Variants in AUTS2 observed in about 807,000 individuals in gnomAD.
AUTS2 encodes the protein autism susceptibility gene 2 protein.
A neutral mutation model predicts 112.4 loss-of-function variants in AUTS2; 17 were observed. The ratio of observed to expected loss-of-function variants is 0.15; its 90% CI spans 0.10 to 0.23. The LOEUF is 0.23. AUTS2 is among the 10% of genes least tolerant of loss of function. The pLI, the probability that AUTS2 is intolerant of heterozygous loss-of-function variation, is 1.00. For missense variants in AUTS2, 1,510 were observed against 1,701.6 expected, an observed-to-expected ratio of 0.89 and a Z score of 1.98; for synonymous variants, 751 against 702.7, an observed-to-expected ratio of 1.07 and a Z score of -1.09.
intron 1 of AUTS2, among the ~76,000 whole-genome samples, chr7:69,625,498 C>CGGGGCA: frequency 1.3e-5 from 2 of 151,708 alleles, no homozygotes; most frequent in East Asian, 1.9e-4. Flanking sequence ...TCTTTTTTGG[C>CGGGGCA]GGGGCAGGGG....
rs187867989 is a variant in AUTS2, at chr7:69,686,364, A to C, written c.309+86402A>C. On this transcript the variant is annotated intron_variant, in intron 1 of 18. Transcript: ENST00000342771. The stretch of plus-strand genomic sequence containing the variant: ...AGTAACACATCTCCTTGTGTCTAAA[A>C]ATAGGAATAAATCCTAATATGAACC... Among the ~76,000 whole-genome samples, 6 of 152,332 alleles carry C rather than the reference A, an allele frequency of 3.9e-5. No individual in the cohort carries two copies. In the East Asian group the frequency reaches 1.2e-3, roughly 29 times the overall value.
chr7:70,064,164 G>A (rs995364077), intron 2 of AUTS2, among the ~76,000 whole-genome samples: 6 of 152,088 alleles, frequency 3.9e-5, no homozygotes, highest in Non-Finnish European at 7.4e-5. Flanking sequence ...AGTGAGTCCC[G>A]CTTGTCTGTC....
intron 5 of AUTS2, among the ~76,000 whole-genome samples, chr7:70,639,344 A>G (rs1805687154): frequency 1.3e-5 from 2 of 152,078 alleles, no homozygotes; most frequent in African/African-American, 4.8e-5. Context: ...AGAAGGTTGA[A>G]GATTGAAACC....
chr7:70,006,569 T>A lies in AUTS2; in HGVS notation c.522+107071T>A, dbSNP rs895349416. On this transcript the variant is annotated intron_variant, in intron 2 of 18. Transcript: ENST00000342771. ...CTTCCAGAACCAACATCTTGCTACTTCTTGCACCAGCTGCTGCTGCTGTTG... is the reference window on the plus strand; with the variant it reads ...CTTCCAGAACCAACATCTTGCTACTACTTGCACCAGCTGCTGCTGCTGTTG... Among the ~76,000 whole-genome samples the A allele has an allele frequency of 2.6e-5, 4 of 152,266 alleles. No homozygotes were observed. In the South Asian group the frequency reaches 6.2e-4, roughly 24 times the overall value.
intron 4 of AUTS2, among the ~76,000 whole-genome samples, chr7:70,213,731 C>T (rs1009607975): frequency 7.2e-5 from 11 of 152,114 alleles, no homozygotes; most frequent in Non-Finnish European, 1.5e-4. Context: ...CATGTCTTCT[C>T]TCTTAAGGGA....
chr7:69,814,601 A>T (rs879020536), intron 1 of AUTS2, among the ~76,000 whole-genome samples: 14 of 152,256 alleles, frequency 9.2e-5, no homozygotes, highest in Non-Finnish European at 1.5e-5. Context: ...CAGTGTACTG[A>T]ATAGGACTCC....
intron 6 of AUTS2, among the ~76,000 whole-genome samples, chr7:70,720,690 A>G (rs1436166299): frequency 6.6e-6 from 1 of 152,106 alleles, no homozygotes. Context: ...AAGTTTGTTA[A>G]CCATCTTCAG....
At chr7:69,854,115 A>C (rs1425059019) in intron 1 of AUTS2, among the ~76,000 whole-genome samples, 2 of 152,158 alleles carry the variant, frequency 1.3e-5, no homozygotes, top group Non-Finnish European at 2.9e-5. Context: ...TATGCTTTGC[A>C]GTTGGAATAC....
chr7:69,994,563 G>A (rs1415762412), intron 2 of AUTS2, among the ~76,000 whole-genome samples: 3 of 152,136 alleles, frequency 2.0e-5, no homozygotes, highest in African/African-American at 7.2e-5. Flanking sequence ...CATATGTTTT[G>A]ATTAGGCATT....
chr7:69,972,664 TGC>T (rs1013697551), intron 2 of AUTS2, among the ~76,000 whole-genome samples: 3 of 136,618 alleles, frequency 2.2e-5, no homozygotes, highest in African/African-American at 8.2e-5. Flanking sequence ...TGTGTGTGTG[TGC>T]GTGCATGTGT....
chr7:69,905,584 C>T (rs117307453), intron 2 of AUTS2, among the ~76,000 whole-genome samples: 1,589 of 152,254 alleles, frequency 0.01, 25 homozygotes, highest in South Asian at 0.025. Context: ...GAGACCATTT[C>T]GCCTTTCCTC....
intron 4 of AUTS2, among the ~76,000 whole-genome samples, chr7:70,376,214 G>A (rs1041005332): frequency 2.6e-5 from 4 of 152,136 alleles, no homozygotes; most frequent in Non-Finnish European, 5.9e-5. Flanking sequence ...GTTTCCGTGT[G>A]AACATCTTGC....
At chr7:69,801,824 G>A (rs775004294) in intron 1 of AUTS2, among the ~76,000 whole-genome samples, 10 of 152,128 alleles carry the variant, frequency 6.6e-5, no homozygotes, top group South Asian at 4.1e-4. Context: ...ATAAAGAAAC[G>A]TCTAATATCT....
At chr7:70,308,766 G>A (rs1360660396) in intron 4 of AUTS2, among the ~76,000 whole-genome samples, 8 of 152,114 alleles carry the variant, frequency 5.3e-5, no homozygotes, top group East Asian at 1.9e-4. Flanking sequence ...GACATGTGCC[G>A]AAACATCTAT....
chr7:70,111,618 A>G (rs1489385965), intron 2 of AUTS2, among the ~76,000 whole-genome samples: 1 of 152,190 alleles, frequency 6.6e-6, no homozygotes, highest in Non-Finnish European at 1.5e-5. Flanking sequence ...ATATATTATT[A>G]AATTTAATTT....
At chr7:70,286,725 AT>A (rs2129611325) in intron 4 of AUTS2, among the ~76,000 whole-genome samples, 1 of 152,316 alleles carries the variant, frequency 6.6e-6, no homozygotes, top group African/African-American at 2.4e-5. Flanking sequence ...CTAAAGTAGT[AT>A]TTCTTAGAAG....
intron 5 of AUTS2, among the ~76,000 whole-genome samples, chr7:70,473,000 G>A (rs1023689407): frequency 1.3e-5 from 2 of 152,320 alleles, no homozygotes; most frequent in African/African-American, 4.8e-5. Flanking sequence ...CTCTGTAGCT[G>A]TTAAGTTGGC....
intron 5 of AUTS2, among the ~76,000 whole-genome samples, chr7:70,467,826 C>T (rs539917100): frequency 6.6e-6 from 1 of 152,312 alleles, no homozygotes; most frequent in Non-Finnish European, 1.5e-5. Context: ...GAAGCCAGCA[C>T]CTCTGATAGA....
At chr7:69,916,610 C>G (rs556327584) in intron 2 of AUTS2, among the ~76,000 whole-genome samples, 26 of 152,202 alleles carry the variant, frequency 1.7e-4, no homozygotes, top group Non-Finnish European at 3.7e-4. Context: ...CCTCAATTTC[C>G]TTCCTTACTG....
Sources: allele counts gnomAD v4.1 joint callset (sites outside exome capture counted in the v4.1 genomes callset), GRCh38; gene constraint gnomAD v4.1.1; transcripts MANE v1.5; gene names NCBI Gene and HGNC (gene_info 2026-07-23, HGNC 2026-07-21).